Variants in SYNPO observed in about 807,000 individuals in gnomAD.
SYNPO encodes the protein synaptopodin.
SYNPO carries 19 observed loss-of-function variants against 49.5 expected under a neutral mutation model. That is an observed-to-expected ratio of 0.38 (90% CI 0.27 to 0.56). The LOEUF (loss-of-function observed/expected upper bound fraction) is 0.56. SYNPO is among the 20% of genes least tolerant of loss of function. SYNPO has a pLI of 0.68. For missense variants in SYNPO, 1,131 were observed against 1,248.3 expected (o/e 0.91, Z 1.42); for synonymous variants, 536 against 548.0 (o/e 0.98, Z 0.31).
At chr5:150,636,972 A>C (rs989360677), upstream of SYNPO, among the ~76,000 whole-genome samples, 2 of 152,160 alleles carry the variant, frequency 1.3e-5, no homozygotes, top group African/African-American at 4.8e-5. Flanking sequence ...CCACCCCCCA[A>C]TGTGTGCACA....
At chr5:150,608,831 G>T (rs1756764847) in intron 1 of SYNPO, among the ~76,000 whole-genome samples, 1 of 152,326 alleles carries the variant, frequency 6.6e-6, no homozygotes, top group East Asian at 1.9e-4. Flanking sequence ...CTGATGAGGT[G>T]GACAAGTTTG....
rs1554107087 is a variant in SYNPO at position 150,609,789 on chromosome 5, G to GGGA, written c.-265-8312_-265-8311insAGG. ...TGAGGGGGCACTGTGAATGTGGCGG[G>GGGA]GGGGGGCAGTGTGGAGCAGTCTCAG... On this transcript the variant is annotated intron_variant, in intron 1 of 2. Coordinates refer to the SYNPO transcript ENST00000394243. Among the ~76,000 whole-genome samples, 28 of 150,692 alleles carry GGGA rather than the reference G, an allele frequency of 1.9e-4. 1 individual carries two copies. Among genetic ancestry groups the GGGA allele is most frequent in the African/African-American group, 6.2e-4 (25 of 40,482 alleles).
chr5:150,587,700 C>A, the SYNPO span, among the ~76,000 whole-genome samples: 2 of 152,136 alleles, frequency 1.3e-5, no homozygotes, highest in Admixed American at 1.3e-4. Flanking sequence ...AGGAGATGAG[C>A]AGATAGGCTC....
chr5:150,596,358 G>A (rs776895049), upstream of SYNPO, among the ~76,000 whole-genome samples: 29 of 152,112 alleles, frequency 1.9e-4, no homozygotes, highest in Non-Finnish European at 3.5e-4. Context: ...GGCTCTCTAG[G>A]CCTCAGTTTT....
Position 150,649,532 on chromosome 5 carries a change from G to A in SYNPO, c.1257G>A (p.Glu419=), listed in dbSNP as rs766814531. The A allele has an allele frequency of 6.2e-7, 1 of 1,611,018 alleles. No homozygotes were observed. The highest frequency in any genetic ancestry group is 8.5e-7 in the Non-Finnish European group (1 of 1,178,790). ...RDQGEVGVEE[E]PFALGAEASN... The stretch of plus-strand genomic sequence containing the variant: ...AGGGGGAGGTAGGCGTGGAGGAGGA[G>A]CCCTTCGCACTGGGGGCCGAGGCCT... The change falls in exon 2 of 3, where the codon GAG becomes GAA. Residue 419 remains glutamate, a synonymous_variant. Transcript: ENST00000307662.
chr5:150,589,851 T>G, the SYNPO span, among the ~76,000 whole-genome samples: 1 of 152,258 alleles, frequency 6.6e-6, no homozygotes, highest in African/African-American at 2.4e-5. Flanking sequence ...CTGTGCTCTC[T>G]GTAGTGCTCT....
chr5:150,622,714 T>C lies in SYNPO; in HGVS notation c.400+3947T>C, dbSNP rs1376010417. ...GTCACTGGGCCCAGAACAAGGCTCC[T>C]GCTCCTCAGGCTGTGACAGAGAGGG... On this transcript the variant is annotated intron_variant, in intron 2 of 2. Transcript: ENST00000394243. Among the ~76,000 whole-genome samples, 3 of 152,208 alleles carry C rather than the reference T, an allele frequency of 2.0e-5. No individual in the cohort carries two copies. In the East Asian group the frequency reaches 5.8e-4, roughly 29 times the overall value.
At chr5:150,593,616 C>T in the SYNPO span, among the ~76,000 whole-genome samples, 2 of 152,224 alleles carry the variant, frequency 1.3e-5, no homozygotes, top group East Asian at 3.9e-4. Context: ...CGTTCACCAC[C>T]ACACTGGCTA....
chr5:150,608,895 C>A (rs1288758587), intron 1 of SYNPO, among the ~76,000 whole-genome samples: 2 of 152,204 alleles, frequency 1.3e-5, no homozygotes, highest in Non-Finnish European at 2.9e-5. Flanking sequence ...CTCACAGTTG[C>A]TATGATGCAG....
chr5:150,595,186 A>C, the SYNPO span, among the ~76,000 whole-genome samples: 1 of 152,218 alleles, frequency 6.6e-6, no homozygotes, highest in Non-Finnish European at 1.5e-5. Context: ...CAAGAACTTC[A>C]TGTATCTAAT....
the SYNPO span, among the ~76,000 whole-genome samples, chr5:150,592,150 A>G: frequency 2.0e-5 from 3 of 152,174 alleles, no homozygotes; most frequent in Admixed American, 6.5e-5. Context: ...GGGCAACAAG[A>G]GTGAAACTCC....
intron 2 of SYNPO, among the ~76,000 whole-genome samples, chr5:150,620,991 C>T (rs1427639362): frequency 2.6e-5 from 3 of 117,390 alleles, no homozygotes; most frequent in East Asian, 2.6e-4. Flanking sequence ...TTTGCTCTGT[C>T]GCCCAGGCTG....
chr5:150,645,499 G>A (rs1758057907), intron 1 of SYNPO, among the ~76,000 whole-genome samples: 1 of 152,206 alleles, frequency 6.6e-6, no homozygotes, highest in Non-Finnish European at 1.5e-5. Flanking sequence ...TGTGCCAGCT[G>A]GCCACTGGGG....
chr5:150,601,360 C>T (rs1159545699), intron 1 of SYNPO, among the ~76,000 whole-genome samples: 1 of 152,132 alleles, frequency 6.6e-6, no homozygotes, highest in Non-Finnish European at 1.5e-5. Flanking sequence ...TGCCAGCTCT[C>T]CTGTTAACTG....
At chr5:150,599,015 G>A (rs1756473777), upstream of SYNPO, among the ~76,000 whole-genome samples, 1 of 152,230 alleles carries the variant, frequency 6.6e-6, no homozygotes, top group African/African-American at 2.4e-5. Flanking sequence ...ACACGGAAGC[G>A]CTTGTTCAGG....
At chr5:150,603,168 T>TTC (rs1423396559) in intron 1 of SYNPO, among the ~76,000 whole-genome samples, 6 of 152,200 alleles carry the variant, frequency 3.9e-5, no homozygotes, top group African/African-American at 1.4e-4. Context: ...GGGAAAGAGA[T>TTC]TGTCCCCTGA....
intron 2 of SYNPO, among the ~76,000 whole-genome samples, chr5:150,620,895 TTTTC>T (rs1471968782): frequency 6.5e-5 from 9 of 137,422 alleles, no homozygotes; most frequent in South Asian, 2.5e-4. Context: ...TTTTTTCTTT[TTTTC>T]TCTTTCTTTC....
At position 150,648,548 on chromosome 5, in the gene SYNPO, G is replaced by A. The variant is rs756426210; in HGVS notation, c.273G>A (p.Pro91=). 31 of 1,613,948 alleles carry A rather than the reference G, an allele frequency of 1.9e-5. No individual in the cohort carries two copies. The highest frequency in any genetic ancestry group is 4.0e-5 in the African/African-American group (3 of 74,872). The stretch of plus-strand genomic sequence containing the variant: ...CAACTTCTAACAGCAGCCACAATCC[G>A]CCAGCCACCGATGTCAATCAGAACC... ...TTPTSNSSHN[P]PATDVNQNPP... Residue 91 remains proline (P), a synonymous_variant, in exon 2 of 3, where the codon CCG becomes CCA. Transcript: ENST00000307662. This position sits in a 1 kb window ranked among gnomAD's most constrained non-coding sequence, Gnocchi z 5.0.
chr5:150,607,891 T>C (rs148596070), intron 1 of SYNPO, among the ~76,000 whole-genome samples: 1 of 152,278 alleles, frequency 6.6e-6, no homozygotes, highest in Admixed American at 6.5e-5. Context: ...AAAAACTTGT[T>C]AATGAGAAAT....
Sources: gnomAD v4.1 joint callset for allele counts (sites outside exome capture counted in the v4.1 genomes callset) on GRCh38, gnomAD v4.1.1 for gene constraint, Gnocchi (gnomAD v3.1) non-coding constraint, MANE v1.5 for transcripts, NCBI Gene and HGNC (gene_info 2026-07-23, HGNC 2026-07-21) for gene names.